The following TRIM58 variants were observed in gnomAD, a reference collection of about 807,000 sequenced individuals.
TRIM58 encodes tripartite motif containing 58.
Under a neutral mutation model 34.1 loss-of-function variants are expected in TRIM58, and 38 were observed. The observed-to-expected ratio is 1.12, with a 90% CI of 0.86 to 1.46. TRIM58 has a LOEUF of 1.46. TRIM58 is among the 40% of genes most tolerant of loss of function. TRIM58 has a pLI of 0.00. For synonymous variants in TRIM58, 273 were observed against 275.7 expected, an observed-to-expected ratio of 0.99 and a Z score of 0.10; for missense variants, 677 against 642.0, an observed-to-expected ratio of 1.05 and a Z score of -0.59.
rs1448049310 is a variant in TRIM58 at position 247,877,328 on chromosome 1, T to A, written c.*839T>A. On this transcript the variant is annotated 3_prime_UTR_variant, in exon 6 of 6. Transcript: ENST00000366481. The stretch of plus-strand genomic sequence containing the variant: ...TGGCTCACGCCTGTAATCCCAGCAC[T>A]TTGGGAGGCTGAGGCGGGTGGATCA... 6.6e-6 allele frequency: 1 copy of A among 151,984 alleles called. No individual in the cohort carries two copies. The highest frequency in any genetic ancestry group is 1.5e-5 in the Non-Finnish European group (1 of 68,028). 9.4% of individuals were successfully genotyped at this position (151,984 alleles called of 1,614,324 possible). A position where few individuals can be genotyped will look rare whatever the true frequency, so the allele number is the denominator to read the frequency against.
chr1:247,871,930 G>C (rs1189951733), intron 5 of TRIM58, among the ~76,000 whole-genome samples: 3 of 152,200 alleles, frequency 2.0e-5, no homozygotes, highest in Non-Finnish European at 4.4e-5. Flanking sequence ...GAAAGACCCC[G>C]CCCTGCAGGG....
rs1205460052 is a variant in TRIM58, at chr1:247,878,373, G to A, written c.*1884G>A. On this transcript the variant is annotated 3_prime_UTR_variant, in exon 6 of 6. Coordinates refer to ENST00000366481, the MANE Select transcript of TRIM58 (RefSeq NM_015431.4). ...TTTTCTCTTCCAGGGAGATTTTTTCGACTGACATCTTTAACTTACCTTCCA... is the reference window on the plus strand; with the variant it reads ...TTTTCTCTTCCAGGGAGATTTTTTCAACTGACATCTTTAACTTACCTTCCA... 2.6e-5 allele frequency among the ~76,000 whole-genome samples: 4 copies of A among 151,868 alleles called. No individual in the cohort carries two copies. The highest frequency in any genetic ancestry group is 4.8e-5 in the African/African-American group (2 of 41,346).
intron 2 of TRIM58, among the ~76,000 whole-genome samples, chr1:247,863,810 T>C (rs1263650334): frequency 6.6e-6 from 1 of 152,206 alleles, no homozygotes; most frequent in Non-Finnish European, 1.5e-5. Flanking sequence ...ATTCAGAAAC[T>C]GAAGACGTGA....
At chr1:247,865,631 G>A (rs1457283506) in intron 3 of TRIM58, among the ~76,000 whole-genome samples, 1 of 152,218 alleles carries the variant, frequency 6.6e-6, no homozygotes, top group Non-Finnish European at 1.5e-5. Flanking sequence ...CTTCCTCCCA[G>A]TCTGTTTGGG....
chr1:247,869,370 TC>T (rs1363015370), intron 5 of TRIM58, among the ~76,000 whole-genome samples: 1 of 152,146 alleles, frequency 6.6e-6, no homozygotes, highest in East Asian at 1.9e-4. Context: ...CATGGTTGGT[TC>T]CCCTGGCAAC....
intron 5 of TRIM58, among the ~76,000 whole-genome samples, chr1:247,868,908 T>G (rs994630606): frequency 6.6e-5 from 10 of 151,728 alleles, no homozygotes; most frequent in African/African-American, 1.7e-4. Context: ...CAGTTCTTTT[T>G]TTTGTGTGTG....
intron 3 of TRIM58, among the ~76,000 whole-genome samples, chr1:247,867,054 A>G (rs1663947114): frequency 6.6e-6 from 1 of 152,164 alleles, no homozygotes; most frequent in African/African-American, 2.4e-5. Context: ...TTATTTAATA[A>G]TCTACTTTGA....
At chr1:247,865,010 C>T in intron 3 of TRIM58, 75 bp downstream of exon 3, 2 of 1,337,864 alleles carry the variant, frequency 1.5e-6, no homozygotes, top group South Asian at 1.4e-5. Context: ...CTTTCAGAGA[C>T]AAACACTTTG....
rs896287834 is a variant in TRIM58 at position 247,879,873 on chromosome 1, C to G, written c.*3384C>G. On this transcript the variant is annotated 3_prime_UTR_variant, in exon 6 of 6. Transcript: ENST00000366481. The stretch of plus-strand genomic sequence containing the variant: ...CCCCCCAGAGCCCATCTAGAGCTCA[C>G]CTTTCCAGTCGCCCTTGCCAGGCTC... Among the ~76,000 whole-genome samples the G allele has an allele frequency of 1.3e-5, 2 of 152,002 alleles. No individual in the cohort carries two copies. Among genetic ancestry groups the G allele is most frequent in the Admixed American group, 1.3e-4 (2 of 15,266 alleles).
chr1:247,873,817 A>T (rs1393321482), intron 5 of TRIM58, among the ~76,000 whole-genome samples: 2 of 152,142 alleles, frequency 1.3e-5, no homozygotes, highest in Non-Finnish European at 2.9e-5. Flanking sequence ...AAAAATACAG[A>T]AAACTAGCTG....
At position 247,857,304 on chromosome 1, in the gene TRIM58, C is replaced by A; in HGVS notation, c.58C>A (p.Leu20Met). The change falls in exon 1 of 6, where the codon CTG (leucine) becomes ATG (methionine). Residue 20 changes from leucine (L) to methionine (M), a missense_variant. Transcript: ENST00000366481. ...CGAGGATGCGCGGTGCCCGGTGTGCCTGGATTTCCTGCAGGAGCCGGTCAG... is the reference window on the plus strand; with the variant it reads ...CGAGGATGCGCGGTGCCCGGTGTGCATGGATTTCCTGCAGGAGCCGGTCAG... ...LREDARCPVC[L>M]DFLQEPVSVD... The A allele has an allele frequency of 7.0e-7, 1 of 1,427,218 alleles. No homozygotes were observed. Among genetic ancestry groups the A allele is most frequent in the South Asian group, 1.5e-5 (1 of 64,600 alleles). 88.4% of individuals were successfully genotyped at this position (1,427,218 alleles called of 1,614,324 possible).
rs1659141663 is a variant in TRIM58, at chr1:247,872,097, C to T, written c.872-3803C>T. On this transcript the variant is annotated intron_variant, in intron 5 of 5. Transcript: ENST00000366481. ...GTAAATGACAGGAGGGTCGGAGAGA[C>T]CAAGAAAGGGCTAGATAGGCAGGCC... Among the ~76,000 whole-genome samples the T allele has an allele frequency of 2.0e-5, 3 of 152,130 alleles. No homozygotes were observed. The South Asian group carries it at 6.2e-4, about 31-fold the overall frequency.
intron 1 of TRIM58, among the ~76,000 whole-genome samples, chr1:247,859,326 C>G (rs79731140): frequency 2.0e-5 from 3 of 152,146 alleles, no homozygotes; most frequent in East Asian, 3.9e-4. Context: ...CAAAGTGCTC[C>G]GTTCTTTGTA....
chr1:247,878,562 C>G lies in TRIM58; in HGVS notation c.*2073C>G, dbSNP rs1659342993. Among the ~76,000 whole-genome samples the G allele has an allele frequency of 6.6e-6, 1 of 152,220 alleles. No homozygotes were observed. The highest frequency in any genetic ancestry group is 6.5e-5 in the Admixed American group (1 of 15,276). On this transcript the variant is annotated 3_prime_UTR_variant, in exon 6 of 6. Coordinates refer to ENST00000366481, the MANE Select transcript of TRIM58 (RefSeq NM_015431.4). ...ATGTGTGCCCTAGCCCTCGTTCATG[C>G]AAGGTCTGTGTAGGGAAGGTGGACT... is the stretch of plus-strand genomic sequence containing the variant.
intron 1 of TRIM58, among the ~76,000 whole-genome samples, chr1:247,857,988 G>A (rs887515587): frequency 1.3e-5 from 2 of 152,224 alleles, no homozygotes; most frequent in Non-Finnish European, 2.9e-5. Flanking sequence ...GGTCGGGAGG[G>A]CTGTGTGGTC....
At chr1:247,857,695 G>C in intron 1 of TRIM58, 29 bp downstream of exon 1, 1 of 1,215,864 alleles carries the variant, frequency 8.2e-7, no homozygotes. Flanking sequence ...GGGGCTGCGG[G>C]CGCTGCGGTG....
intron 5 of TRIM58, among the ~76,000 whole-genome samples, chr1:247,870,772 C>T (rs867833212): frequency 0.045 from 1,381 of 30,762 alleles, 5 homozygotes; most frequent in Non-Finnish European, 0.062. Context: ...CACGGCCACC[C>T]GTAGAGCCTG....
intron 5 of TRIM58, among the ~76,000 whole-genome samples, chr1:247,871,359 G>T (rs1659118421): frequency 6.6e-6 from 1 of 152,156 alleles, no homozygotes; most frequent in Non-Finnish European, 1.5e-5. Flanking sequence ...CAAAAATATT[G>T]TCAGTTATTT....
chr1:247,867,268 T>A (rs997026722), intron 3 of TRIM58, among the ~76,000 whole-genome samples: 5 of 152,242 alleles, frequency 3.3e-5, no homozygotes, highest in African/African-American at 1.2e-4. Flanking sequence ...GGATCTATTT[T>A]ATCCTGTTCC....
Sources: gnomAD v4.1 joint callset for allele counts (sites outside exome capture counted in the v4.1 genomes callset) on GRCh38, gnomAD v4.1.1 for gene constraint, MANE v1.5 for transcripts, NCBI Gene and HGNC (gene_info 2026-07-23, HGNC 2026-07-21) for gene names.